The following OSTN variants were observed in gnomAD, a reference collection of about 807,000 sequenced individuals.
OSTN encodes the protein osteocrin.
A neutral mutation model predicts 12.0 loss-of-function variants in OSTN; 9 were observed. The observed-to-expected ratio is 0.75, with a 90% CI of 0.45 to 1.30. The LOEUF (loss-of-function observed/expected upper bound fraction) is 1.30, where lower values mean the gene tolerates loss of function less well. Among genes scored for constraint, OSTN ranks in the 50% most tolerant of loss-of-function variants. The pLI, the probability that OSTN is intolerant of heterozygous loss-of-function variation, is 0.00. For synonymous variants in OSTN, 59 were observed against 56.9 expected (o/e 1.04, Z -0.16); for missense variants, 148 against 152.3 (o/e 0.97, Z 0.15).
intron 3 of OSTN, among the ~76,000 whole-genome samples, chr3:191,247,036 G>C (rs745629042): frequency 2.6e-5 from 4 of 152,208 alleles, no homozygotes; most frequent in Non-Finnish European, 4.4e-5. Flanking sequence ...ATAATTGCTG[G>C]AGATTATGAA....
intron 4 of OSTN, among the ~76,000 whole-genome samples, chr3:191,251,038 A>C (rs1411526455): frequency 6.6e-6 from 1 of 152,142 alleles, no homozygotes; most frequent in African/African-American, 2.4e-5. Flanking sequence ...TCCTTCATTA[A>C]ATTAGAATAA....
intron 3 of OSTN, among the ~76,000 whole-genome samples, chr3:191,219,224 T>C (rs777371543): frequency 7.9e-5 from 12 of 152,212 alleles, no homozygotes; most frequent in Non-Finnish European, 1.5e-4. Context: ...AAAGCAGTTA[T>C]TATAAGACAT....
chr3:191,203,828 T>C (rs1714207132), intron 1 of OSTN, among the ~76,000 whole-genome samples: 1 of 152,208 alleles, frequency 6.6e-6, no homozygotes, highest in African/African-American at 2.4e-5. Flanking sequence ...TTGGAAAATT[T>C]GCTACTGCCA....
chr3:191,259,527 C>G (rs1471096197), intron 4 of OSTN, among the ~76,000 whole-genome samples: 1 of 151,582 alleles, frequency 6.6e-6, no homozygotes, highest in Admixed American at 6.6e-5. Context: ...AATACACTCC[C>G]TGGTAAAATT....
chr3:191,200,529 G>T (rs1166158664), intron 1 of OSTN, among the ~76,000 whole-genome samples: 2 of 152,000 alleles, frequency 1.3e-5, no homozygotes, highest in African/African-American at 2.4e-5. Flanking sequence ...CAAAAATAAA[G>T]AACTCGAAGT....
Position 191,263,697 on chromosome 3 carries a change from T to C in OSTN, c.*844T>C, listed in dbSNP as rs983862469. 6.6e-6 allele frequency: 1 copy of C among 152,148 alleles called. No individual in the cohort carries two copies. The highest frequency in any genetic ancestry group is 1.5e-5 in the Non-Finnish European group (1 of 68,004). The allele number at this position is 152,148 out of a possible 1,614,324, so 9.4% of individuals were successfully genotyped here. Reference sequence around the variant, plus strand: ...TGATCTTTTTGATATCTTGGATTAATCTAAGAAACTGTTTACTGTGTTTCA... The same window carrying C: ...TGATCTTTTTGATATCTTGGATTAACCTAAGAAACTGTTTACTGTGTTTCA... On this transcript the variant is annotated 3_prime_UTR_variant, in exon 5 of 5. Coordinates refer to ENST00000682035, the MANE Select transcript of OSTN (RefSeq NM_198184.2).
chr3:191,243,497 T>C (rs1715365261), intron 3 of OSTN, among the ~76,000 whole-genome samples: 1 of 152,114 alleles, frequency 6.6e-6, no homozygotes, highest in Non-Finnish European at 1.5e-5. Context: ...TGGAGAAATC[T>C]CAAAACACAT....
chr3:191,238,383 C>T (rs1036439101), intron 3 of OSTN, among the ~76,000 whole-genome samples: 2 of 152,118 alleles, frequency 1.3e-5, no homozygotes, highest in Non-Finnish European at 2.9e-5. Context: ...TGCTTCCATT[C>T]TTGTGAGGCT....
Position 191,263,178 on chromosome 3 carries a change from C to T in OSTN, c.*325C>T. ...ATGCCTTCTGTATGGATTTACCATG[C>T]ACATGTTTGTAGTCAAAGAATAATA... On this transcript the variant is annotated 3_prime_UTR_variant, in exon 5 of 5. Coordinates refer to ENST00000682035, the MANE Select transcript of OSTN (RefSeq NM_198184.2). 7.1e-6 allele frequency: 2 copies of T among 280,420 alleles called. No individual in the cohort carries two copies. The highest frequency in any genetic ancestry group is 6.6e-6 in the Non-Finnish European group (1 of 151,512). The allele number at this position is 280,420 out of a possible 1,614,324, so 17.4% of individuals were successfully genotyped here. A position where few individuals can be genotyped will look rare whatever the true frequency, so the allele number is the denominator to read the frequency against.
intron 3 of OSTN, among the ~76,000 whole-genome samples, chr3:191,223,091 A>G (rs1408622578): frequency 6.6e-6 from 1 of 152,166 alleles, no homozygotes; most frequent in Non-Finnish European, 1.5e-5. Context: ...GCAGTGTGAG[A>G]ATGGACTAAT....
At position 191,262,929 on chromosome 3, in the gene OSTN, C is replaced by T. The variant is rs763703002; in HGVS notation, c.*76C>T. 38 of 700,308 alleles carry T rather than the reference C, an allele frequency of 5.4e-5. No individual in the cohort carries two copies. The highest frequency in any genetic ancestry group is 5.1e-4 in the South Asian group (34 of 67,246). The allele number at this position is 700,308 out of a possible 1,614,324, so 43.4% of individuals were successfully genotyped here. ...AGATGCTTCACTGAAGTTATTCACA[C>T]TTCTTAATGATTAAACTTTTAAGGA... On this transcript the variant is annotated 3_prime_UTR_variant, in exon 5 of 5. Transcript: ENST00000682035.
At chr3:191,219,918 T>C (rs961178527) in intron 3 of OSTN, among the ~76,000 whole-genome samples, 7 of 152,138 alleles carry the variant, frequency 4.6e-5, no homozygotes, top group African/African-American at 1.7e-4. Flanking sequence ...CATCTCTACC[T>C]CCACCACCAT....
Position 191,206,005 on chromosome 3 carries a change from C to T in OSTN, c.1-6528C>T, listed in dbSNP as rs574965298. Among the ~76,000 whole-genome samples, 250 of 152,106 alleles carry T rather than the reference C, an allele frequency of 1.6e-3. 1 individual carries two copies. Among genetic ancestry groups the T allele is most frequent in the Non-Finnish European group, 2.9e-3 (194 of 67,958 alleles). ...TTCGAGAACAGCCTGGCCAACATGG[C>T]GAAACCCTGTCTCTAGTAAAAATAC... On this transcript the variant is annotated intron_variant, in intron 1 of 4. Transcript: ENST00000682035.
intron 4 of OSTN, among the ~76,000 whole-genome samples, chr3:191,253,000 G>T (rs1476512071): frequency 6.6e-6 from 1 of 152,112 alleles, no homozygotes; most frequent in African/African-American, 2.4e-5. Flanking sequence ...AGAGGAAATT[G>T]TCCCAAATTT....
intron 3 of OSTN, among the ~76,000 whole-genome samples, chr3:191,240,601 G>T (rs923365649): frequency 6.6e-5 from 10 of 152,198 alleles, no homozygotes; most frequent in African/African-American, 2.2e-4. Context: ...TCCAGGAAAA[G>T]CTTGACTCAT....
chr3:191,262,964 C>A lies in OSTN; in HGVS notation c.*111C>A. 1 of 683,290 alleles carries A rather than the reference C, an allele frequency of 1.5e-6. No individual in the cohort carries two copies. Among genetic ancestry groups the A allele is most frequent in the Non-Finnish European group, 2.7e-6 (1 of 372,520 alleles). 42.3% of individuals were successfully genotyped at this position (683,290 alleles called of 1,614,324 possible). The stretch of plus-strand genomic sequence containing the variant: ...ATTAAACTTTTAAGGAACTGACCTT[C>A]TGCAAATCCTTTCCAAAGCTTGAAC... On this transcript the variant is annotated 3_prime_UTR_variant, in exon 5 of 5. Coordinates refer to ENST00000682035, the MANE Select transcript of OSTN (RefSeq NM_198184.2).
At chr3:191,222,014 G>T (rs1025826310) in intron 3 of OSTN, among the ~76,000 whole-genome samples, 1 of 152,242 alleles carries the variant, frequency 6.6e-6, no homozygotes, top group Non-Finnish European at 1.5e-5. Context: ...CCCAAGCCTT[G>T]GCGGCTTCCA....
chr3:191,228,336 G>A (rs1406864745), intron 3 of OSTN, among the ~76,000 whole-genome samples: 1 of 152,120 alleles, frequency 6.6e-6, no homozygotes, highest in East Asian at 1.9e-4. Context: ...TAATATTTAA[G>A]GTTCATTTTC....
intron 3 of OSTN, among the ~76,000 whole-genome samples, chr3:191,224,248 A>G (rs1462118731): frequency 1.3e-5 from 2 of 151,986 alleles, no homozygotes; most frequent in Non-Finnish European, 2.9e-5. Flanking sequence ...ATGGTGGTGC[A>G]TGCCTGTAAT....
Sources: allele counts gnomAD v4.1 joint callset (sites outside exome capture counted in the v4.1 genomes callset), GRCh38; gene constraint gnomAD v4.1.1; transcripts MANE v1.5; gene names NCBI Gene and HGNC (gene_info 2026-07-23, HGNC 2026-07-21).